The following NHEJ1 variants were observed in gnomAD, a reference collection of about 807,000 sequenced individuals.
NHEJ1 encodes non-homologous end joining factor 1, also known as non-homologous end-joining factor 1.
Under a neutral mutation model 39.4 loss-of-function variants are expected in NHEJ1, and 22 were observed. That is an observed-to-expected ratio of 0.56 (90% CI 0.40 to 0.80). NHEJ1 has a LOEUF of 0.80. Ranked by LOEUF, NHEJ1 falls within the 30% of genes least tolerant of loss-of-function variation. NHEJ1 has a pLI of 0.00. For missense variants in NHEJ1, 329 were observed against 357.1 expected, an observed-to-expected ratio of 0.92 and a Z score of 0.63; for synonymous variants, 154 against 135.6, an observed-to-expected ratio of 1.14 and a Z score of -0.94.
intron 5 of NHEJ1, among the ~76,000 whole-genome samples, chr2:219,145,217 T>TCAAAAA (rs1157344071): frequency 6.9e-6 from 1 of 145,902 alleles, no homozygotes; most frequent in Non-Finnish European, 1.5e-5. Context: ...AGGCTTCGTT[T>TCAAAAA]CAAAAACAAC....
intron 5 of NHEJ1, among the ~76,000 whole-genome samples, chr2:219,135,852 G>C (rs1230888604): frequency 6.6e-6 from 1 of 152,170 alleles, no homozygotes; most frequent in Non-Finnish European, 1.5e-5. Flanking sequence ...CCAAATGAGA[G>C]ACTAATGGTG....
intron 5 of NHEJ1, among the ~76,000 whole-genome samples, chr2:219,137,415 T>C (rs1346984455): frequency 6.6e-6 from 1 of 151,896 alleles, no homozygotes; most frequent in East Asian, 1.9e-4. Context: ...AGTCAAAACT[T>C]TCAATGGCTT....
intron 5 of NHEJ1, among the ~76,000 whole-genome samples, chr2:219,085,050 A>C (rs1373253041): frequency 6.6e-6 from 1 of 152,152 alleles, no homozygotes; most frequent in East Asian, 1.9e-4. Context: ...TGTCATTTCC[A>C]TTTTTAAGTA....
rs915269038 is a variant in NHEJ1, at chr2:219,111,326, C to T, written c.589-33120G>A. ...AGGTTTCTTGGATAAGGGGTTAACA[C>T]TCCTTAAAAAGCAAAGTAGGGGGAT... On this transcript the variant is annotated intron_variant, in intron 5 of 7. Transcript: ENST00000356853. The surrounding 1 kb of genome is among the most constrained non-coding windows in gnomAD (Gnocchi z 4.1). Among the ~76,000 whole-genome samples the T allele has an allele frequency of 1.3e-5, 2 of 152,176 alleles. No homozygotes were observed. The highest frequency in any genetic ancestry group is 6.5e-5 in the Admixed American group (1 of 15,282).
intron 5 of NHEJ1, among the ~76,000 whole-genome samples, chr2:219,130,667 G>C (rs114082009): frequency 0.018 from 2,813 of 152,250 alleles, 76 homozygotes; most frequent in African/African-American, 0.063. Context: ...CAGAATTGAA[G>C]GGAAGATTTT....
chr2:219,071,413 G>A lies in NHEJ1; in HGVS notation c.*4968C>T, dbSNP rs1454172721. 3.9e-5 allele frequency among the ~76,000 whole-genome samples: 6 copies of A among 152,236 alleles called. No homozygotes were observed. Among genetic ancestry groups the A allele is most frequent in the Non-Finnish European group, 2.9e-5 (2 of 68,008 alleles). On this transcript the variant is annotated 3_prime_UTR_variant, in exon 8 of 8. Transcript: ENST00000356853. ...GTTGAAATTTAACCACAATATTCTCGGTCTCTATTGTTTTGAGTGAGGCCC... is the reference window on the plus strand; with the variant it reads ...GTTGAAATTTAACCACAATATTCTCAGTCTCTATTGTTTTGAGTGAGGCCC...
intron 3 of NHEJ1, among the ~76,000 whole-genome samples, chr2:219,148,881 AC>A (rs371297186): frequency 1.1e-4 from 17 of 148,802 alleles, no homozygotes; most frequent in South Asian, 8.5e-4. Context: ...TCTACACACA[AC>A]CCCCCCTTTT....
intron 5 of NHEJ1, among the ~76,000 whole-genome samples, chr2:219,087,810 C>T (rs1228019558): frequency 1.3e-5 from 2 of 152,120 alleles, no homozygotes; most frequent in Non-Finnish European, 2.9e-5. Flanking sequence ...TCTAAAGAGA[C>T]ACTTAAGAGA....
chr2:219,088,682 GAGT>G (rs1433529880), intron 5 of NHEJ1, among the ~76,000 whole-genome samples: 3 of 152,150 alleles, frequency 2.0e-5, no homozygotes, highest in African/African-American at 7.2e-5. Flanking sequence ...GGGTACTTTT[GAGT>G]ACTGGAAATT....
intron 1 of NHEJ1, among the ~76,000 whole-genome samples, chr2:219,159,810 T>C (rs982589738): frequency 6.6e-6 from 1 of 151,594 alleles, no homozygotes; most frequent in African/African-American, 2.4e-5. Context: ...ATCTCCCTTA[T>C]AGGCACTCCC....
chr2:219,074,928 G>C lies in NHEJ1; in HGVS notation c.*1453C>G, dbSNP rs1192309417. On this transcript the variant is annotated 3_prime_UTR_variant, in exon 8 of 8. Coordinates refer to ENST00000356853, the MANE Select transcript of NHEJ1 (RefSeq NM_024782.3). ...TTGGTGGAGATCTCAGACTCTGCTA[G>C]CAGGAAAAAGCATGAGGGTAAGTCC... 2.0e-5 allele frequency among the ~76,000 whole-genome samples: 3 copies of C among 151,478 alleles called. No homozygotes were observed. Among genetic ancestry groups the C allele is most frequent in the Non-Finnish European group, 4.4e-5 (3 of 67,810 alleles).
chr2:219,094,571 A>G (rs1372601460), intron 5 of NHEJ1, among the ~76,000 whole-genome samples: 3 of 152,076 alleles, frequency 2.0e-5, no homozygotes, highest in Non-Finnish European at 4.4e-5. Context: ...TAGTCCAGGT[A>G]CTCTAAAATG....
Position 219,158,351 on chromosome 2 carries a change from C to T in NHEJ1, c.12G>A (p.Leu4=). 6.2e-7 allele frequency: 1 copy of T among 1,614,130 alleles called. No individual in the cohort carries two copies. Among genetic ancestry groups the T allele is most frequent in the African/African-American group, 1.3e-5 (1 of 75,034 alleles). The change falls in exon 2 of 8, where the codon CTG becomes CTA. Residue 4 remains leucine (L), a synonymous_variant. Transcript: ENST00000356853. ...ATGGCTGCATCAACAGGCCTTGCTCCAGTTCTTCCATCTGCAAAAAAGTCC... is the reference window on the plus strand; with the variant it reads ...ATGGCTGCATCAACAGGCCTTGCTCTAGTTCTTCCATCTGCAAAAAAGTCC... MEE[L]EQGLLMQPWA...
chr2:219,121,832 A>T (rs1474165423), intron 5 of NHEJ1, among the ~76,000 whole-genome samples: 1 of 152,108 alleles, frequency 6.6e-6, no homozygotes, highest in Non-Finnish European at 1.5e-5. Flanking sequence ...AAAAAAAAAA[A>T]ATTAAATTAA....
At chr2:219,106,209 C>A (rs1949312213) in intron 5 of NHEJ1, among the ~76,000 whole-genome samples, 1 of 152,102 alleles carries the variant, frequency 6.6e-6, no homozygotes, top group East Asian at 1.9e-4. Flanking sequence ...CTAAGAAGAC[C>A]TTGCCTGGCT....
intron 5 of NHEJ1, among the ~76,000 whole-genome samples, chr2:219,107,300 T>C (rs1279177584): frequency 6.6e-6 from 1 of 152,142 alleles, no homozygotes; most frequent in African/African-American, 2.4e-5. Context: ...TAGAAATCGA[T>C]TGATTGAAAC....
intron 5 of NHEJ1, among the ~76,000 whole-genome samples, chr2:219,109,737 A>C (rs1474682573): frequency 2.0e-5 from 3 of 152,134 alleles, no homozygotes; most frequent in Non-Finnish European, 4.4e-5. Context: ...GAAAAACATC[A>C]AATCTCCTCC....
At chr2:219,091,821 A>C (rs149993310) in intron 5 of NHEJ1, among the ~76,000 whole-genome samples, 1 of 12,962 alleles carries the variant, frequency 7.7e-5, no homozygotes, top group Admixed American at 5.1e-4. Flanking sequence ...TATATGAAGT[A>C]TGTGTGTATA....
At chr2:219,154,140 T>C (rs1185729586) in intron 3 of NHEJ1, among the ~76,000 whole-genome samples, 2 of 152,230 alleles carry the variant, frequency 1.3e-5, no homozygotes, top group African/African-American at 4.8e-5. Context: ...TCTGAATGTG[T>C]TGATATGAAT....
Sources: gnomAD v4.1 joint callset for allele counts (sites outside exome capture counted in the v4.1 genomes callset) on GRCh38, gnomAD v4.1.1 for gene constraint, Gnocchi (gnomAD v3.1) non-coding constraint, MANE v1.5 for transcripts, NCBI Gene and HGNC (gene_info 2026-07-23, HGNC 2026-07-21) for gene names.